DGKI: variants seen among roughly 807,000 people sequenced by gnomAD.
DGKI encodes diacylglycerol kinase iota, also known as DAG kinase iota.
DGKI carries 55 observed loss-of-function variants against 147.5 expected under a neutral mutation model. The ratio of observed to expected loss-of-function variants is 0.37; its 90% CI spans 0.30 to 0.47. DGKI has a LOEUF of 0.47. Among genes scored for constraint, DGKI ranks in the 20% least tolerant of loss-of-function variants. DGKI has a pLI of 1.00. For synonymous variants in DGKI, 469 were observed against 477.1 expected, an observed-to-expected ratio of 0.98 and a Z score of 0.22; for missense variants, 1,007 against 1,323.8, an observed-to-expected ratio of 0.76 and a Z score of 3.71.
intron 27 of DGKI, among the ~76,000 whole-genome samples, chr7:137,455,544 ACCAGCAT>A (rs931837282): frequency 6.7e-6 from 1 of 149,780 alleles, no homozygotes; most frequent in African/African-American, 2.5e-5. Context: ...ATGGAGTAAG[ACCAGCAT>A]CTCACAGAGT....
chr7:137,434,706 A>G (rs1435282031), intron 28 of DGKI, among the ~76,000 whole-genome samples: 1 of 152,186 alleles, frequency 6.6e-6, no homozygotes, highest in East Asian at 1.9e-4. Flanking sequence ...AGAACAATCA[A>G]AAGGATTACA....
intron 20 of DGKI, among the ~76,000 whole-genome samples, chr7:137,525,932 C>T (rs1211875991): frequency 6.6e-6 from 1 of 151,936 alleles, no homozygotes; most frequent in Non-Finnish European, 1.5e-5. Context: ...TGACATTTTA[C>T]ACTTCTGGGT....
At chr7:137,622,339 T>C (rs1219650653) in intron 7 of DGKI, among the ~76,000 whole-genome samples, 1 of 152,192 alleles carries the variant, frequency 6.6e-6, no homozygotes, top group Non-Finnish European at 1.5e-5. Flanking sequence ...GTGATGTGTG[T>C]AGTGGCAGGA....
chr7:137,565,080 T>C (rs1345284911), intron 19 of DGKI, among the ~76,000 whole-genome samples: 1 of 152,228 alleles, frequency 6.6e-6, no homozygotes, highest in Admixed American at 6.5e-5. Context: ...CCTTAGGATT[T>C]GCCATAAGAA....
chr7:137,654,370 G>C (rs1321917135), intron 5 of DGKI, among the ~76,000 whole-genome samples: 1 of 152,152 alleles, frequency 6.6e-6, no homozygotes, highest in Non-Finnish European at 1.5e-5. Context: ...ATTGAAAAAT[G>C]CACTTAAAAT....
chr7:137,639,374 G>C (rs1396603683), intron 6 of DGKI, among the ~76,000 whole-genome samples: 3 of 152,180 alleles, frequency 2.0e-5, no homozygotes, highest in Non-Finnish European at 4.4e-5. Context: ...TTGTCTCTGA[G>C]GACCATCTGA....
Position 137,603,355 on chromosome 7 carries a change from G to A in DGKI, c.1168-3450C>T, listed in dbSNP as rs139195515. ...GTTACTAAGTCTTGGTTTATATCAT[G>A]CAGGCATTATCTAGATTATAGAAAG... is the stretch of plus-strand genomic sequence containing the variant. On this transcript the variant is annotated intron_variant, in intron 10 of 32. Coordinates refer to ENST00000614521, the MANE Select transcript of DGKI (RefSeq NM_001321708.2). Among the ~76,000 whole-genome samples, 833 of 152,270 alleles carry A rather than the reference G, an allele frequency of 5.5e-3. 5 individuals carry two copies. Among genetic ancestry groups the A allele is most frequent in the Middle Eastern group, 0.027 (8 of 294 alleles).
rs187992566 is a variant in DGKI, at chr7:137,743,819, T to C, written c.402-53817A>G. ...TAACACAGTGAAACCCCGTCTCTGC[T>C]AAAAATACAAAAAATTAGCTGGGCG... On this transcript the variant is annotated intron_variant, in intron 1 of 32. Coordinates refer to ENST00000614521, the MANE Select transcript of DGKI (RefSeq NM_001321708.2). Among the ~76,000 whole-genome samples the C allele has an allele frequency of 3.2e-3, 486 of 151,790 alleles. 3 individuals carry two copies. The highest frequency in any genetic ancestry group is 0.011 in the African/African-American group (468 of 41,400).
intron 28 of DGKI, among the ~76,000 whole-genome samples, chr7:137,416,735 A>G (rs556000034): frequency 6.6e-6 from 1 of 152,240 alleles, no homozygotes; most frequent in African/African-American, 2.4e-5. Flanking sequence ...ACATTATAGC[A>G]TCTTTCAGCT....
intron 28 of DGKI, among the ~76,000 whole-genome samples, chr7:137,441,109 T>A (rs1196570522): frequency 2.6e-5 from 4 of 151,994 alleles, no homozygotes; most frequent in African/African-American, 9.7e-5. Flanking sequence ...TAATACTATG[T>A]TTGGGGTGCT....
chr7:137,733,699 C>T (rs1430898281), intron 1 of DGKI, among the ~76,000 whole-genome samples: 1 of 152,026 alleles, frequency 6.6e-6, no homozygotes, highest in African/African-American at 2.4e-5. Context: ...ATAAGTAAAT[C>T]ATGGGCGTGA....
intron 1 of DGKI, among the ~76,000 whole-genome samples, chr7:137,754,534 C>T (rs958711259): frequency 4.6e-5 from 7 of 152,156 alleles, no homozygotes; most frequent in Admixed American, 1.3e-4. Context: ...CCTTTTCATT[C>T]GGAGCTGTCA....
chr7:137,608,941 T>A, intron 10 of DGKI, 25 bp downstream of exon 10: 1 of 1,560,440 alleles, frequency 6.4e-7, no homozygotes, highest in Non-Finnish European at 8.8e-7. Context: ...AACTTCTAAG[T>A]TGAAAATCAT....
At chr7:137,754,983 T>G (rs1172164662) in intron 1 of DGKI, among the ~76,000 whole-genome samples, 1 of 152,226 alleles carries the variant, frequency 6.6e-6, no homozygotes, top group African/African-American at 2.4e-5. Flanking sequence ...TTCTTTCTCC[T>G]ACATTATCTT....
chr7:137,596,001 C>CAAAAAAAAAAAAAAAAAAAAAAAAAAA (rs71177914), intron 12 of DGKI, among the ~76,000 whole-genome samples: 1 of 44,362 alleles, frequency 2.3e-5, no homozygotes, highest in Non-Finnish European at 3.9e-5. Context: ...GACTCCGTCT[C>CAAAAAAAAAAAAAAAAAAAAAAAAAAA]AAAAAAAAAA....
intron 1 of DGKI, among the ~76,000 whole-genome samples, chr7:137,748,369 T>C (rs1045874724): frequency 2.4e-4 from 35 of 148,226 alleles, no homozygotes; most frequent in Non-Finnish European, 3.7e-4. Flanking sequence ...AAAAAAAGAA[T>C]GGGGGCGGAA....
chr7:137,412,399 C>G (rs527972492), intron 28 of DGKI, among the ~76,000 whole-genome samples, 192 bp from the exon 29 acceptor site: 1 of 152,152 alleles, frequency 6.6e-6, no homozygotes, highest in Non-Finnish European at 1.5e-5. Flanking sequence ...TCCACGCACC[C>G]TTCTAGGGCC....
chr7:137,483,742 C>T (rs377332869), intron 23 of DGKI, among the ~76,000 whole-genome samples: 6 of 152,004 alleles, frequency 3.9e-5, no homozygotes, highest in South Asian at 2.1e-4. Context: ...TAATGGCTTC[C>T]GGCTCCATCC....
At chr7:137,705,709 A>G (rs60207538) in intron 1 of DGKI, among the ~76,000 whole-genome samples, 5,515 of 152,252 alleles carry the variant, frequency 0.036, 310 homozygotes, top group African/African-American at 0.12. Context: ...CTTAATAAAA[A>G]TTACAAAAAA....
Sources: gnomAD v4.1 joint callset for allele counts (sites outside exome capture counted in the v4.1 genomes callset) on GRCh38, gnomAD v4.1.1 for gene constraint, MANE v1.5 for transcripts, NCBI Gene and HGNC (gene_info 2026-07-23, HGNC 2026-07-21) for gene names.